The following EIF3H variants were observed in gnomAD, a reference collection of about 807,000 sequenced individuals.
The protein encoded by EIF3H is eukaryotic translation initiation factor 3 subunit H.
Under a neutral mutation model 44.2 loss-of-function variants are expected in EIF3H, and 26 were observed. That is an observed-to-expected ratio of 0.59 (90% CI 0.43 to 0.82). EIF3H has a LOEUF of 0.82. EIF3H is among the 40% of genes least tolerant of loss of function. The pLI, the probability that EIF3H is intolerant of heterozygous loss-of-function variation, is 0.00. For synonymous variants in EIF3H, 166 were observed against 151.9 expected (o/e 1.09, Z -0.68); for missense variants, 359 against 432.8 (o/e 0.83, Z 1.51).
intron 2 of EIF3H, among the ~76,000 whole-genome samples, chr8:116,687,187 G>A (rs1297724889): frequency 6.6e-6 from 1 of 152,180 alleles, no homozygotes; most frequent in Non-Finnish European, 1.5e-5. Flanking sequence ...ATGTGAATAG[G>A]CAGTTAGCAT....
intron 2 of EIF3H, among the ~76,000 whole-genome samples, chr8:116,711,638 T>C (rs1238764241): frequency 6.6e-6 from 1 of 152,162 alleles, no homozygotes; most frequent in African/African-American, 2.4e-5. Flanking sequence ...AACAAAAGTA[T>C]CTTATGAAAC....
intron 1 of EIF3H, among the ~76,000 whole-genome samples, chr8:116,755,287 G>A (rs1388963248): frequency 6.6e-6 from 1 of 152,200 alleles, no homozygotes; most frequent in Non-Finnish European, 1.5e-5. Flanking sequence ...CAGGGAATCA[G>A]TGGAGTTTCC....
At chr8:116,713,312 G>A (rs779551763) in intron 2 of EIF3H, among the ~76,000 whole-genome samples, 3 of 152,040 alleles carry the variant, frequency 2.0e-5, no homozygotes, top group Admixed American at 1.3e-4. Context: ...CCAAACCATA[G>A]CACTTATGCT....
At chr8:116,690,124 G>A (rs1443740326) in intron 2 of EIF3H, among the ~76,000 whole-genome samples, 16 of 152,016 alleles carry the variant, frequency 1.1e-4, no homozygotes, top group Non-Finnish European at 2.9e-5. Context: ...CTGGCTCTCC[G>A]CTCATTCTTT....
At position 116,705,502 on chromosome 8, in the gene EIF3H, C is replaced by G. The variant is rs546078281; in HGVS notation, c.289+20514G>C. ...GGGTAACATGTTACACCCCCCCCCA[C>G]CACCAACACCCCAGGAGAATGCAAT... On this transcript the variant is annotated intron_variant, in intron 2 of 7. Transcript: ENST00000521861. Among the ~76,000 whole-genome samples the G allele has an allele frequency of 5.0e-3, 392 of 78,802 alleles. 5 individuals carry two copies. The highest frequency in any genetic ancestry group is 0.033 in the East Asian group (134 of 4,014). 51.7% of individuals were successfully genotyped at this position (78,802 alleles called of 152,430 possible). A position where few individuals can be genotyped will look rare whatever the true frequency, so the allele number is the denominator to read the frequency against.
upstream of EIF3H, among the ~76,000 whole-genome samples, chr8:116,758,017 T>C (rs2131005996): frequency 6.6e-6 from 1 of 152,314 alleles, no homozygotes; most frequent in African/African-American, 2.4e-5. Flanking sequence ...CCACCGCACC[T>C]AGCCAATATA....
At chr8:116,679,410 G>A (rs1462454358) in intron 2 of EIF3H, among the ~76,000 whole-genome samples, 1 of 63,038 alleles carries the variant, frequency 1.6e-5, no homozygotes, top group African/African-American at 3.9e-5. Flanking sequence ...GAGGGAGGTG[G>A]GGGGATCAGC....
Position 116,713,635 on chromosome 8 carries a change from T to C in EIF3H, c.289+12381A>G, listed in dbSNP as rs374441674. ...TATTCAGATTTTGCTTCTCGTATATTCTAATCACCTTAATAAACCAAAAAC... is the reference window on the plus strand; with the variant it reads ...TATTCAGATTTTGCTTCTCGTATATCCTAATCACCTTAATAAACCAAAAAC... On this transcript the variant is annotated intron_variant, in intron 2 of 7. Transcript: ENST00000521861. Among the ~76,000 whole-genome samples, 22 of 152,226 alleles carry C rather than the reference T, an allele frequency of 1.4e-4. No homozygotes were observed. In the East Asian group the frequency reaches 3.7e-3, roughly 25 times the overall value.
chr8:116,764,471 G>T (rs928306819), intron 1 of EIF3H, among the ~76,000 whole-genome samples: 1 of 152,104 alleles, frequency 6.6e-6, no homozygotes, highest in Non-Finnish European at 1.5e-5. Flanking sequence ...TTACAAAAAA[G>T]GTCCTTCAGG....
upstream of EIF3H, among the ~76,000 whole-genome samples, chr8:116,758,920 G>A (rs538772653): frequency 2.0e-5 from 3 of 152,292 alleles, no homozygotes; most frequent in African/African-American, 4.8e-5. Flanking sequence ...TTAGAAAAAG[G>A]AAATGTGTCA....
rs1286309590 is a variant in EIF3H, at chr8:116,755,801, T to C, written c.-4A>G. ...TACCTTCCTTGCGGGACGCCATCTT[T>C]CCAAGCAGACAGGAAGAAAGAGAAA... is the stretch of plus-strand genomic sequence containing the variant. On this transcript the variant is annotated 5_prime_UTR_variant, in exon 1 of 8. Coordinates refer to ENST00000521861, the MANE Select transcript of EIF3H (RefSeq NM_003756.3). The C allele has an allele frequency of 3.1e-6, 5 of 1,613,168 alleles. No homozygotes were observed. Among genetic ancestry groups the C allele is most frequent in the East Asian group, 2.2e-5 (1 of 44,860 alleles).
chr8:116,673,800 G>A (rs1813795879), intron 2 of EIF3H, among the ~76,000 whole-genome samples: 1 of 152,120 alleles, frequency 6.6e-6, no homozygotes, highest in Non-Finnish European at 1.5e-5. Flanking sequence ...GGCCGGGCAT[G>A]GTGACGCATG....
In EIF3H at chr8:116,642,773, G is replaced by C. The variant is rs942689295; in HGVS notation, c.*2233C>G. ...TCAGAATACAGCACTCAAATCAAAT[G>C]CCGAACAGAAGCTATTCCCTAACAC... On this transcript the variant is annotated 3_prime_UTR_variant, in exon 8 of 8. Transcript: ENST00000521861. The C allele has an allele frequency of 1.3e-5, 2 of 152,158 alleles. No individual in the cohort carries two copies. The highest frequency in any genetic ancestry group is 4.8e-5 in the African/African-American group (2 of 41,430). The allele number at this position is 152,158 out of a possible 1,614,324, so 9.4% of individuals were successfully genotyped here.
intron 1 of EIF3H, among the ~76,000 whole-genome samples, chr8:116,741,903 T>C (rs1184040381): frequency 6.6e-6 from 1 of 152,234 alleles, no homozygotes; most frequent in African/African-American, 2.4e-5. Flanking sequence ...TGAACAAAGA[T>C]GGTAGTTATT....
At chr8:116,653,428 G>A (rs556285102) in intron 5 of EIF3H, among the ~76,000 whole-genome samples, 2 of 150,722 alleles carry the variant, frequency 1.3e-5, no homozygotes, top group South Asian at 4.2e-4. Flanking sequence ...CAGAAAATCA[G>A]ACCACTACCA....
chr8:116,748,852 A>G (rs139184326), intron 1 of EIF3H, among the ~76,000 whole-genome samples: 1 of 152,360 alleles, frequency 6.6e-6, no homozygotes, highest in Admixed American at 6.5e-5. Context: ...TAGATTGCAT[A>G]TAACATTTAA....
intron 5 of EIF3H, among the ~76,000 whole-genome samples, chr8:116,654,134 G>C (rs376926101): frequency 2.6e-5 from 4 of 152,160 alleles, no homozygotes; most frequent in Non-Finnish European, 4.4e-5. Flanking sequence ...CTTCAAAGTT[G>C]CTTCATTTTT....
At chr8:116,735,351 A>G (rs376620009) in intron 1 of EIF3H, among the ~76,000 whole-genome samples, 26 of 152,258 alleles carry the variant, frequency 1.7e-4, no homozygotes, top group African/African-American at 6.0e-4. Context: ...AGCAGAAAAC[A>G]GTAACTACAG....
In EIF3H at chr8:116,668,713, G is replaced by C. The variant is rs575360695; in HGVS notation, c.290-9733C>G. ...TCTGTTGCCAAAAAAGAAAACATGG[G>C]GAATGTGGGGGTCGTAGGGGCTGGG... On this transcript the variant is annotated intron_variant, in intron 2 of 7. Transcript: ENST00000521861. Among the ~76,000 whole-genome samples the C allele has an allele frequency of 1.1e-3, 166 of 152,144 alleles. 1 individual carries two copies. Among genetic ancestry groups the C allele is most frequent in the South Asian group, 6.0e-3 (29 of 4,824 alleles).
Sources: allele counts gnomAD v4.1 joint callset (sites outside exome capture counted in the v4.1 genomes callset), GRCh38; gene constraint gnomAD v4.1.1; transcripts MANE v1.5; gene names NCBI Gene and HGNC (gene_info 2026-07-23, HGNC 2026-07-21).